The following KPNA1 variants were observed in gnomAD, a reference collection of about 807,000 sequenced individuals.
The protein encoded by KPNA1 is karyopherin subunit alpha 1, also known as importin subunit alpha-5.
Under a neutral mutation model 70.5 loss-of-function variants are expected in KPNA1, and 10 were observed. The observed-to-expected ratio is 0.14, with a 90% CI of 0.09 to 0.24. The LOEUF (loss-of-function observed/expected upper bound fraction) is 0.24. KPNA1 is among the 10% of genes least tolerant of loss of function. The pLI, the probability that KPNA1 is intolerant of heterozygous loss-of-function variation, is 1.00. For missense variants in KPNA1, 397 were observed against 637.9 expected (o/e 0.62, Z 4.07); for synonymous variants, 192 against 221.9 (o/e 0.87, Z 1.20).
At chr3:122,436,097 C>G (rs1482889100) in intron 11 of KPNA1, among the ~76,000 whole-genome samples, 1 of 152,172 alleles carries the variant, frequency 6.6e-6, no homozygotes, top group African/African-American at 2.4e-5. Flanking sequence ...GGGGAGGTCT[C>G]TAAAATGGCC....
At chr3:122,430,472 C>A (rs1424468600) in intron 12 of KPNA1, among the ~76,000 whole-genome samples, 4 of 149,386 alleles carry the variant, frequency 2.7e-5, no homozygotes, top group Non-Finnish European at 4.4e-5. Context: ...TTTCCTGGAA[C>A]CTATCAATGA....
chr3:122,495,122 C>T (rs1468963320), intron 2 of KPNA1, among the ~76,000 whole-genome samples: 8 of 151,812 alleles, frequency 5.3e-5, no homozygotes, highest in South Asian at 2.1e-4. Flanking sequence ...TGGTGGCACG[C>T]GCCTGTAGTC....
At chr3:122,491,640 T>C (rs1460847345) in intron 2 of KPNA1, among the ~76,000 whole-genome samples, 1 of 152,106 alleles carries the variant, frequency 6.6e-6, no homozygotes, top group Non-Finnish European at 1.5e-5. Context: ...AACATGCAAG[T>C]TATGCAACTA....
At chr3:122,483,102 G>C (rs2076590033) in intron 2 of KPNA1, 1 of 155,910 alleles carries the variant, frequency 6.4e-6, no homozygotes, top group African/African-American at 2.4e-5. Flanking sequence ...AAAAAAGGCA[G>C]CAGGAAAGGA....
chr3:122,458,067 T>C (rs561132700), intron 5 of KPNA1, among the ~76,000 whole-genome samples: 18 of 152,344 alleles, frequency 1.2e-4, no homozygotes, highest in African/African-American at 4.3e-4. Flanking sequence ...ACTAAGCCAA[T>C]GTAATTCAAA....
chr3:122,448,762 A>G (rs999311743), intron 9 of KPNA1, among the ~76,000 whole-genome samples: 1 of 152,108 alleles, frequency 6.6e-6, no homozygotes, highest in African/African-American at 2.4e-5. Context: ...AGAAAAAAAA[A>G]AAAGAAATGG....
intron 2 of KPNA1, among the ~76,000 whole-genome samples, chr3:122,473,108 T>A (rs1034576815): frequency 6.6e-6 from 1 of 151,994 alleles, no homozygotes; most frequent in Admixed American, 6.6e-5. Flanking sequence ...AAGAATACTA[T>A]GAACAATTCT....
At chr3:122,457,990 G>T in intron 5 of KPNA1, 1 of 644,654 alleles carries the variant, frequency 1.6e-6, no homozygotes, top group Non-Finnish European at 2.2e-6. Flanking sequence ...GACACAGGAG[G>T]ATGAAGGCTT....
At chr3:122,480,656 T>A (rs554562156) in intron 2 of KPNA1, among the ~76,000 whole-genome samples, 5 of 151,940 alleles carry the variant, frequency 3.3e-5, no homozygotes, top group East Asian at 3.9e-4. Flanking sequence ...CAATTTTTTT[T>A]AAACTTTTCT....
chr3:122,483,403 G>A lies in KPNA1; in HGVS notation c.129+13034C>T, dbSNP rs1043494282. Reference sequence around the variant, plus strand: ...CTTGTTGCCGAGGCTGGAGTACAACGGTATGGTCTAGGCTCACTACAACCT... The same window carrying A: ...CTTGTTGCCGAGGCTGGAGTACAACAGTATGGTCTAGGCTCACTACAACCT... On this transcript the variant is annotated intron_variant, in intron 2 of 13. Coordinates refer to ENST00000344337, the MANE Select transcript of KPNA1 (RefSeq NM_002264.4). Among the ~76,000 whole-genome samples the A allele has an allele frequency of 2.0e-5, 3 of 152,072 alleles. No individual in the cohort carries two copies. In the East Asian group the frequency reaches 5.8e-4, roughly 29 times the overall value.
intron 12 of KPNA1, among the ~76,000 whole-genome samples, chr3:122,429,280 G>A (rs560671359): frequency 2.6e-5 from 4 of 151,728 alleles, no homozygotes; most frequent in Admixed American, 6.6e-5. Flanking sequence ...GTGAAACTCC[G>A]TTTCTACTAA....
In KPNA1 at chr3:122,423,527, C is replaced by G. The variant is rs1421218079; in HGVS notation, c.*3458G>C. The G allele has an allele frequency of 6.6e-6, 1 of 152,482 alleles. No homozygotes were observed. Among genetic ancestry groups the G allele is most frequent in the Non-Finnish European group, 1.5e-5 (1 of 67,992 alleles). 9.4% of individuals were successfully genotyped at this position (152,482 alleles called of 1,614,324 possible). A position where few individuals can be genotyped will look rare whatever the true frequency, so the allele number is the denominator to read the frequency against. On this transcript the variant is annotated 3_prime_UTR_variant, in exon 14 of 14. Coordinates refer to ENST00000344337, the MANE Select transcript of KPNA1 (RefSeq NM_002264.4). ...CCCCTAAAAAGTTATAATGATTTGC[C>G]TATTGATATAAAAATTTTCACAAAA...
At position 122,436,934 on chromosome 3, in the gene KPNA1, C is replaced by T. The variant is rs560661995; in HGVS notation, c.1122+236G>A. On this transcript the variant is annotated intron_variant, in intron 11 of 13. Transcript: ENST00000344337. ...CTGGGACTACAGGCACCTGCCACTGCGACTGGCTAATTTTTTTGTATTTTT... is the reference window on the plus strand; with the variant it reads ...CTGGGACTACAGGCACCTGCCACTGTGACTGGCTAATTTTTTTGTATTTTT... 3.9e-5 allele frequency among the ~76,000 whole-genome samples: 6 copies of T among 152,254 alleles called. No homozygotes were observed. The East Asian group carries it at 9.6e-4, about 24-fold the overall frequency.
At chr3:122,480,402 T>C (rs962795602) in intron 2 of KPNA1, among the ~76,000 whole-genome samples, 16 of 151,980 alleles carry the variant, frequency 1.1e-4, no homozygotes, top group African/African-American at 3.9e-4. Flanking sequence ...GAAATCTCTG[T>C]ACTATCTGTT....
intron 2 of KPNA1, among the ~76,000 whole-genome samples, chr3:122,491,850 ATTTTTTTTTT>A (rs67916227): frequency 7.7e-5 from 5 of 64,828 alleles, no homozygotes; most frequent in East Asian, 5.6e-4. Flanking sequence ...TGACCATCAC[ATTTTTTTTTT>A]TTTTTTTTTT....
At chr3:122,476,336 A>C (rs2076497183) in intron 2 of KPNA1, among the ~76,000 whole-genome samples, 1 of 152,204 alleles carries the variant, frequency 6.6e-6, no homozygotes, top group South Asian at 2.1e-4. Flanking sequence ...TGTAAAACAT[A>C]GGGAAAAAGC....
At chr3:122,432,202 G>A (rs772101442) in intron 12 of KPNA1, among the ~76,000 whole-genome samples, 6 of 152,146 alleles carry the variant, frequency 3.9e-5, no homozygotes, top group Non-Finnish European at 4.4e-5. Context: ...AATAACTATA[G>A]TACTTCATTA....
At chr3:122,450,636 C>T (rs1348547622) in intron 8 of KPNA1, among the ~76,000 whole-genome samples, 1 of 152,094 alleles carries the variant, frequency 6.6e-6, no homozygotes, top group Non-Finnish European at 1.5e-5. Context: ...GAAAAGGGAA[C>T]ACTTTTACAC....
At chr3:122,466,246 C>CA (rs140036887) in intron 3 of KPNA1, among the ~76,000 whole-genome samples, 33,634 of 149,336 alleles carry the variant, frequency 0.23, 4,111 homozygotes, top group Non-Finnish European at 0.27. Flanking sequence ...CACCATTTAC[C>CA]AAAAAAAAAG....
Sources: allele counts gnomAD v4.1 joint callset (sites outside exome capture counted in the v4.1 genomes callset), GRCh38; gene constraint gnomAD v4.1.1; transcripts MANE v1.5; gene names NCBI Gene and HGNC (gene_info 2026-07-23, HGNC 2026-07-21).